OR8G1: variants seen among roughly 807,000 people sequenced by gnomAD.
The protein encoded by OR8G1 is olfactory receptor family 8 subfamily G member 1, also known as olfactory receptor 8G1.
For missense variants in OR8G1, 372 were observed against 356.2 expected (o/e 1.04, Z -0.36); for synonymous variants, 129 against 133.3 (o/e 0.97, Z 0.22).
At chr11:124,241,552 G>A (rs10893185) in intron 1 of OR8G1, among the ~76,000 whole-genome samples, 188 bp downstream of exon 1, 177 of 151,900 alleles carry the variant, frequency 1.2e-3, no homozygotes, top group African/African-American at 3.9e-3. Context: ...AGAATAGCTC[G>A]GGTCCATCAC....
rs566623729 is a variant in OR8G1, at chr11:124,246,805, A to T, written c.-96-996A>T. On this transcript the variant is annotated intron_variant, in intron 1 of 2. Transcript: ENST00000641972. ...TCAGTAATTTGCAATGATTTACATAATTCAGATTGTATTCATTGATTACAA... is the reference window on the plus strand; with the variant it reads ...TCAGTAATTTGCAATGATTTACATATTTCAGATTGTATTCATTGATTACAA... Among the ~76,000 whole-genome samples, 41 of 151,584 alleles carry T rather than the reference A, an allele frequency of 2.7e-4. 1 individual carries two copies. The highest frequency in any genetic ancestry group is 9.6e-4 in the African/African-American group (40 of 41,468).
At chr11:124,242,572 C>CATG (rs5795409) in intron 1 of OR8G1, among the ~76,000 whole-genome samples, 74,680 of 151,480 alleles carry the variant, frequency 0.49, 18,786 homozygotes, top group South Asian at 0.7. Context: ...ATTTCAGTTC[C>CATG]ATGGCATATG....
At position 124,250,266 on chromosome 11, in the gene OR8G1, A is replaced by G; in HGVS notation, c.591A>G (p.Leu197=). 5.0e-6 allele frequency: 8 copies of G among 1,613,710 alleles called. No individual in the cohort carries two copies. The highest frequency in any genetic ancestry group is 6.8e-6 in the Non-Finnish European group (8 of 1,179,814). Residue 197 remains leucine (L), a synonymous_variant, in exon 3 of 3, where the codon CTA becomes CTG. Transcript: ENST00000641972. ...LSCSSIYVNK[L]LILCVGAFNI... Reference sequence around the variant, plus strand: ...GCTCTAGTATCTATGTCAACAAACTACTTATTCTATGTGTTGGTGCATTTA... The same window carrying G: ...GCTCTAGTATCTATGTCAACAAACTGCTTATTCTATGTGTTGGTGCATTTA...
intron 1 of OR8G1, among the ~76,000 whole-genome samples, chr11:124,245,788 GT>G (rs1399831013): frequency 1.3e-5 from 2 of 149,502 alleles, no homozygotes; most frequent in African/African-American, 5.0e-5. Context: ...TTTTTCATGT[GT>G]TTTTTGGCTG....
Position 124,250,182 on chromosome 11 carries a change from C to CA in OR8G1, c.510dup (p.Phe171IlefsTer2). The CA allele has an allele frequency of 6.2e-7, 1 of 1,613,760 alleles. No individual in the cohort carries two copies. The highest frequency in any genetic ancestry group is 8.5e-7 in the Non-Finnish European group (1 of 1,179,832). On this transcript the variant is annotated frameshift_variant, in exon 3 of 3. Transcript: ENST00000641972. LOFTEE classifies it low-confidence loss of function (END_TRUNC). ...GCTGTATGTTTAGGGTTCAATTCTG[C>CA]AAATTTGATTTGATTAACCATTATT...
rs1424403194 is a variant in OR8G1 at position 124,249,701 on chromosome 11, T to G, written c.26T>G (p.Val9Gly). MSGENNSS[V>G]TEFILAGLSE... ...ATGTCAGGAGAAAATAATTCCTCAG[T>G]GACTGAGTTCATTCTGGCTGGGCTC... Residue 9 changes from valine (V) to glycine (G), a missense_variant, in exon 3 of 3, where the codon GTG becomes GGG. Physicochemically the swap from Val to Gly is moderately radical, Grantham distance 109 (BLOSUM62 -3). Coordinates refer to ENST00000641972, the MANE Select transcript of OR8G1 (RefSeq NM_001002905.2). The G allele has an allele frequency of 6.2e-7, 1 of 1,613,486 alleles. No homozygotes were observed. Among genetic ancestry groups the G allele is most frequent in the Non-Finnish European group, 8.5e-7 (1 of 1,179,672 alleles).
chr11:124,241,322 T>C lies in OR8G1; in HGVS notation c.-139T>C, dbSNP rs538489441. On this transcript the variant is annotated 5_prime_UTR_variant, in exon 1 of 3. Transcript: ENST00000641972. ...CATTCTCCATGTCAGGAAGAGGAAA[T>C]TGCAAGTAAAATCAAGCATTGAAGT... 6.6e-6 allele frequency: 1 copy of C among 152,132 alleles called. No homozygotes were observed. The highest frequency in any genetic ancestry group is 1.9e-4 in the East Asian group (1 of 5,158). 9.4% of individuals were successfully genotyped at this position (152,132 alleles called of 1,614,324 possible).
At position 124,250,523 on chromosome 11, in the gene OR8G1, C is replaced by T. The variant is rs1408798128; in HGVS notation, c.848C>T (p.Pro283Leu). ...TCTGTGTTTTATACTATTATTGTGC[C>T]CATGTTGAACCCTCTGATTTATAGC... Reference protein sequence around the residue: ...VSSVFYTIIVPMLNPLIYSLR... With the variant: ...VSSVFYTIIVLMLNPLIYSLR... Residue 283 changes from proline to leucine, a missense_variant, in exon 3 of 3, where the codon CCC becomes CTC. Transcript: ENST00000641972. 1 of 1,612,628 alleles carries T rather than the reference C, an allele frequency of 6.2e-7. No individual in the cohort carries two copies. Among genetic ancestry groups the T allele is most frequent in the Non-Finnish European group, 8.5e-7 (1 of 1,179,116 alleles).
intron 2 of OR8G1, among the ~76,000 whole-genome samples, 188 bp downstream of exon 2, chr11:124,248,068 G>A (rs886332578): frequency 5.3e-5 from 8 of 151,958 alleles, no homozygotes; most frequent in African/African-American, 1.9e-4. Flanking sequence ...ATACAGGTGT[G>A]CAGAGCTGTA....
chr11:124,249,200 G>A (rs957401910), intron 2 of OR8G1, among the ~76,000 whole-genome samples: 2 of 151,962 alleles, frequency 1.3e-5, no homozygotes, highest in Non-Finnish European at 2.9e-5. Context: ...TGTATAAATC[G>A]AGATTTCTTG....
chr11:124,246,908 C>G (rs1169575831), intron 1 of OR8G1, among the ~76,000 whole-genome samples: 1 of 148,360 alleles, frequency 6.7e-6, no homozygotes, highest in Admixed American at 6.7e-5. Flanking sequence ...GATAACAATT[C>G]ACTTCTGTAT....
chr11:124,246,910 C>G (rs1055742954), intron 1 of OR8G1, among the ~76,000 whole-genome samples: 2 of 148,954 alleles, frequency 1.3e-5, no homozygotes, highest in Admixed American at 6.7e-5. Context: ...TAACAATTCA[C>G]TTCTGTATAA....
intron 2 of OR8G1, 178 bp from the exon 3 acceptor site, chr11:124,249,482 T>C (rs1861842477): frequency 4.5e-6 from 1 of 223,744 alleles, no homozygotes; most frequent in Non-Finnish European, 7.5e-6. Context: ...ATATTTTACA[T>C]GAAACACATT....
chr11:124,242,056 A>AT (rs1014789772), intron 1 of OR8G1, among the ~76,000 whole-genome samples: 6 of 138,240 alleles, frequency 4.3e-5, no homozygotes, highest in Non-Finnish European at 7.8e-5. Flanking sequence ...ATTTATTTTT[A>AT]TTTTTTTTCA....
chr11:124,243,876 A>G (rs1861783859), intron 1 of OR8G1, among the ~76,000 whole-genome samples: 1 of 152,004 alleles, frequency 6.6e-6, no homozygotes, highest in African/African-American at 2.4e-5. Context: ...TGGCACATGT[A>G]TATCTATGTA....
chr11:124,243,285 ATTTG>A (rs1178572652), intron 1 of OR8G1, among the ~76,000 whole-genome samples: 3 of 151,780 alleles, frequency 2.0e-5, no homozygotes, highest in African/African-American at 4.8e-5. Context: ...TATATTTTTT[ATTTG>A]TTCTTGTATT....
Position 124,250,533 on chromosome 11 carries a change from C to T in OR8G1, c.858C>T (p.Asn286=). The T allele has an allele frequency of 1.7e-6, 2 of 1,204,636 alleles. No individual in the cohort carries two copies. The highest frequency in any genetic ancestry group is 2.2e-5 in the South Asian group (1 of 46,266). 74.6% of individuals were successfully genotyped at this position (1,204,636 alleles called of 1,614,324 possible). A position where few individuals can be genotyped will look rare whatever the true frequency, so the allele number is the denominator to read the frequency against. The change falls in exon 3 of 3, where the codon AAC becomes AAT. Residue 286 remains asparagine (N), a synonymous_variant. Coordinates refer to ENST00000641972, the MANE Select transcript of OR8G1 (RefSeq NM_001002905.2). ...VFYTIIVPML[N]PLIYSLRNKD... ...ATACTATTATTGTGCCCATGTTGAACCCTCTGATTTATAGCCTGAGGAATA... is the reference window on the plus strand; with the variant it reads ...ATACTATTATTGTGCCCATGTTGAATCCTCTGATTTATAGCCTGAGGAATA...
chr11:124,249,534 TA>T, intron 2 of OR8G1, 125 bp from the exon 3 acceptor site: 1 of 753,076 alleles, frequency 1.3e-6, no homozygotes, highest in Non-Finnish European at 2.0e-6. Context: ...TTATTTGAGG[TA>T]AACTTTACTT....
chr11:124,246,933 T>C (rs1243355155), intron 1 of OR8G1, among the ~76,000 whole-genome samples: 2 of 150,310 alleles, frequency 1.3e-5, no homozygotes, highest in Non-Finnish European at 3.0e-5. Context: ...CTTGCAACGA[T>C]GAAAAAACTG....
Sources: gnomAD v4.1 joint callset for allele counts (sites outside exome capture counted in the v4.1 genomes callset) on GRCh38, gnomAD v4.1.1 for gene constraint, MANE v1.5 for transcripts, NCBI Gene and HGNC (gene_info 2026-07-23, HGNC 2026-07-21) for gene names.